MAP4K3: variants seen among roughly 807,000 people sequenced by gnomAD.
MAP4K3 encodes mitogen-activated protein kinase kinase kinase kinase 3, also known as MAPK/ERK kinase kinase kinase 3.
A neutral mutation model predicts 143.5 loss-of-function variants in MAP4K3; 94 were observed. The ratio of observed to expected loss-of-function variants is 0.65; its 90% CI spans 0.55 to 0.78. The LOEUF (loss-of-function observed/expected upper bound fraction) is 0.78. Ranked by LOEUF, MAP4K3 falls within the 30% of genes least tolerant of loss-of-function variation. The probability of loss-of-function intolerance (pLI) is 0.00; values close to 1 mark genes in which losing one functional copy is unlikely to be tolerated. For synonymous variants in MAP4K3, 416 were observed against 347.2 expected (o/e 1.20, Z -2.20); for missense variants, 1,077 against 1,068.1 (o/e 1.01, Z -0.12).
intron 2 of MAP4K3, among the ~76,000 whole-genome samples, chr2:39,366,673 T>C (rs895853596): frequency 3.9e-5 from 6 of 152,192 alleles, no homozygotes; most frequent in African/African-American, 1.4e-4. Flanking sequence ...TGGAACTTTA[T>C]TTTTTGGTTT....
Position 39,282,558 on chromosome 2 carries a change from G to C in MAP4K3, c.1588-4C>G. The C allele has an allele frequency of 6.2e-7, 1 of 1,608,254 alleles. No homozygotes were observed. Among genetic ancestry groups the C allele is most frequent in the East Asian group, 2.2e-5 (1 of 44,704 alleles). ...GAAGACCATTACTAATAGGCTTCTA[G>C]AAAAAGAACACATGTATGATTACAC... On this transcript the variant is annotated splice_region_variant and splice_polypyrimidine_tract_variant and intron_variant, in intron 21 of 33. Coordinates refer to ENST00000263881, the MANE Select transcript of MAP4K3 (RefSeq NM_003618.4).
intron 31 of MAP4K3, among the ~76,000 whole-genome samples, chr2:39,257,667 C>T (rs938556556): frequency 3.3e-5 from 5 of 151,384 alleles, no homozygotes; most frequent in African/African-American, 7.3e-5. Flanking sequence ...GGGGTGGTGG[C>T]GGGCGCCTGT....
chr2:39,321,756 G>A (rs528294710), intron 12 of MAP4K3, among the ~76,000 whole-genome samples: 1 of 152,352 alleles, frequency 6.6e-6, no homozygotes, highest in Admixed American at 6.5e-5. Context: ...CTGGAGGTGG[G>A]ACATGCGGGC....
chr2:39,413,755 G>GT (rs1348744556), intron 1 of MAP4K3, among the ~76,000 whole-genome samples: 1 of 151,662 alleles, frequency 6.6e-6, no homozygotes, highest in Non-Finnish European at 1.5e-5. Context: ...TACCTGTAGA[G>GT]TTCTTGGCAT....
chr2:39,370,399 G>A (rs539065419), intron 2 of MAP4K3, among the ~76,000 whole-genome samples: 3 of 152,172 alleles, frequency 2.0e-5, no homozygotes, highest in African/African-American at 7.2e-5. Context: ...ACTCAAGGGA[G>A]ATGGGAAAAG....
chr2:39,282,425 C>T, intron 22 of MAP4K3, 88 bp downstream of exon 22: 3 of 1,081,126 alleles, frequency 2.8e-6, no homozygotes, highest in Non-Finnish European at 4.2e-6. Flanking sequence ...AATGAAAGTT[C>T]TTTCAAACAG....
intron 1 of MAP4K3, among the ~76,000 whole-genome samples, chr2:39,422,104 A>C (rs1558348706): frequency 6.6e-6 from 1 of 151,770 alleles, no homozygotes; most frequent in Non-Finnish European, 1.5e-5. Flanking sequence ...TACACAGCTC[A>C]GCATGGGTGC....
intron 23 of MAP4K3, among the ~76,000 whole-genome samples, chr2:39,278,749 A>G (rs3755177): frequency 0.89 from 135,883 of 152,204 alleles, 60,802 homozygotes; most frequent in Non-Finnish European, 0.92. Flanking sequence ...TCATCAGAGA[A>G]TGCTAAGAAC....
At chr2:39,358,290 G>A (rs905999820) in intron 2 of MAP4K3, among the ~76,000 whole-genome samples, 1 of 152,054 alleles carries the variant, frequency 6.6e-6, no homozygotes, top group Admixed American at 6.6e-5. Flanking sequence ...AGTCCTCTAG[G>A]ATAGCATTAT....
At chr2:39,329,631 C>A (rs1014388097) in intron 8 of MAP4K3, among the ~76,000 whole-genome samples, 1 of 152,140 alleles carries the variant, frequency 6.6e-6, no homozygotes, top group Non-Finnish European at 1.5e-5. Context: ...CATTAAGCCC[C>A]AGCAACTATT....
Position 39,278,487 on chromosome 2 carries a change from C to A in MAP4K3, c.1715-1G>T, listed in dbSNP as rs764162214. ...TCGGCACCAAATATCAAGTACTGAT[C>A]TGAAATAAAAGTAATTCACTGACTG... is the stretch of plus-strand genomic sequence containing the variant. On this transcript the variant is annotated splice_acceptor_variant, in intron 23 of 33. Coordinates refer to ENST00000263881, the MANE Select transcript of MAP4K3 (RefSeq NM_003618.4). LOFTEE classifies it high-confidence loss of function. The A allele has an allele frequency of 1.3e-6, 2 of 1,553,880 alleles. No homozygotes were observed. The highest frequency in any genetic ancestry group is 8.8e-7 in the Non-Finnish European group (1 of 1,142,282).
intron 1 of MAP4K3, among the ~76,000 whole-genome samples, chr2:39,388,054 G>A (rs1666557012): frequency 6.6e-6 from 1 of 152,086 alleles, no homozygotes; most frequent in Non-Finnish European, 1.5e-5. Flanking sequence ...CTGAATTTTG[G>A]AATTCAAAAA....
intron 6 of MAP4K3, among the ~76,000 whole-genome samples, chr2:39,334,133 G>C (rs2148524396): frequency 6.6e-6 from 1 of 152,150 alleles, no homozygotes; most frequent in Non-Finnish European, 1.5e-5. Context: ...GGCCCATCCA[G>C]TACATAAACA....
intron 12 of MAP4K3, chr2:39,323,505 AAAT>A (rs1683387635): frequency 6.6e-6 from 1 of 152,220 alleles, no homozygotes; most frequent in Non-Finnish European, 1.5e-5. Flanking sequence ...TAATTTAGTT[AAAT>A]AACACTAGTT....
intron 1 of MAP4K3, among the ~76,000 whole-genome samples, chr2:39,391,191 T>TA (rs200389865): frequency 0.035 from 5,291 of 150,390 alleles, 127 homozygotes; most frequent in South Asian, 0.054. Flanking sequence ...CCGTCTCTAC[T>TA]AAAAAAAACA....
At chr2:39,338,846 T>C (rs1200740199) in intron 4 of MAP4K3, among the ~76,000 whole-genome samples, 2 of 152,204 alleles carry the variant, frequency 1.3e-5, no homozygotes, top group Admixed American at 6.5e-5. Flanking sequence ...GTGTGCACTC[T>C]ATGAGAAATG....
intron 31 of MAP4K3, among the ~76,000 whole-genome samples, chr2:39,257,291 T>G (rs1035094956): frequency 1.3e-5 from 2 of 152,196 alleles, no homozygotes; most frequent in Admixed American, 1.3e-4. Context: ...TTTAAAAGTA[T>G]TGATTGTCAG....
At chr2:39,316,183 C>T (rs970767330) in intron 12 of MAP4K3, among the ~76,000 whole-genome samples, 3 of 152,038 alleles carry the variant, frequency 2.0e-5, no homozygotes, top group Non-Finnish European at 4.4e-5. Context: ...AGAAGATTCA[C>T]ACCTTGAAAT....
At chr2:39,258,818 G>A (rs937571581) in intron 29 of MAP4K3, among the ~76,000 whole-genome samples, 1 of 152,108 alleles carries the variant, frequency 6.6e-6, no homozygotes, top group Admixed American at 6.5e-5. Flanking sequence ...CTGGCAATGC[G>A]GAACACATGG....
Sources: gnomAD v4.1 joint callset for allele counts (sites outside exome capture counted in the v4.1 genomes callset) on GRCh38, gnomAD v4.1.1 for gene constraint, MANE v1.5 for transcripts, NCBI Gene and HGNC (gene_info 2026-07-23, HGNC 2026-07-21) for gene names.